The following OSTN variants were observed in gnomAD, a reference collection of about 807,000 sequenced individuals.
The protein encoded by OSTN is osteocrin.
Under a neutral mutation model 12.0 loss-of-function variants are expected in OSTN, and 9 were observed. The ratio of observed to expected loss-of-function variants is 0.75; its 90% CI spans 0.45 to 1.30. The LOEUF is 1.30. OSTN is among the 50% of genes most tolerant of loss of function. The probability of loss-of-function intolerance (pLI) is 0.00; values close to 1 mark genes in which losing one functional copy is unlikely to be tolerated. For missense variants in OSTN, 148 were observed against 152.3 expected, an observed-to-expected ratio of 0.97 and a Z score of 0.15; for synonymous variants, 59 against 56.9, an observed-to-expected ratio of 1.04 and a Z score of -0.16.
At chr3:191,237,259 G>C (rs1287874410) in intron 3 of OSTN, among the ~76,000 whole-genome samples, 1 of 152,212 alleles carries the variant, frequency 6.6e-6, no homozygotes, top group Non-Finnish European at 1.5e-5. Context: ...TCAAAGGCCA[G>C]GAACAGTGAG....
At position 191,213,427 on chromosome 3, in the gene OSTN, G is replaced by C. The variant is rs184409038; in HGVS notation, c.102+793G>C. The stretch of plus-strand genomic sequence containing the variant: ...TATCTAAACGTGGAAAGAAACTTAA[G>C]AACAAAGACTTGAATTCCTTGAACA... On this transcript the variant is annotated intron_variant, in intron 2 of 4. Transcript: ENST00000682035. The C allele has an allele frequency of 3.1e-3, 473 of 152,096 alleles. 6 individuals are homozygous for C. The highest frequency in any genetic ancestry group is 0.011 in the African/African-American group (452 of 41,504). The allele number at this position is 152,096 out of a possible 1,614,324, so 9.4% of individuals were successfully genotyped here.
At chr3:191,203,271 G>A (rs542426246) in intron 1 of OSTN, among the ~76,000 whole-genome samples, 3 of 152,304 alleles carry the variant, frequency 2.0e-5, no homozygotes, top group African/African-American at 7.2e-5. Context: ...ATTCTGTAAG[G>A]TGCTGAGATG....
chr3:191,218,721 C>A, intron 2 of OSTN, 26 bp from the exon 3 acceptor site: 2 of 1,588,990 alleles, frequency 1.3e-6, no homozygotes, highest in Non-Finnish European at 1.7e-6. Context: ...TCTAAATTAA[C>A]GGAATCGCCT....
At chr3:191,229,517 T>C (rs1406284651) in intron 3 of OSTN, among the ~76,000 whole-genome samples, 2 of 152,196 alleles carry the variant, frequency 1.3e-5, no homozygotes, top group African/African-American at 2.4e-5. Flanking sequence ...TAGAATGATG[T>C]GCACATGGGA....
Position 191,230,739 on chromosome 3 carries a change from T to C in OSTN, c.317+11778T>C, listed in dbSNP as rs73070071. ...ATTCATATTGCTGCCCTCTGGAACG[T>C]GCAGTGCAGAACCCATATAACGTTA... On this transcript the variant is annotated intron_variant, in intron 3 of 4. Coordinates refer to ENST00000682035, the MANE Select transcript of OSTN (RefSeq NM_198184.2). 2.1e-3 allele frequency among the ~76,000 whole-genome samples: 327 copies of C among 152,286 alleles called. 2 individuals are homozygous for C. Among genetic ancestry groups the C allele is most frequent in the African/African-American group, 7.2e-3 (301 of 41,550 alleles).
At chr3:191,203,998 C>T (rs943987807) in intron 1 of OSTN, among the ~76,000 whole-genome samples, 2 of 152,152 alleles carry the variant, frequency 1.3e-5, no homozygotes, top group Non-Finnish European at 2.9e-5. Flanking sequence ...AGCGATTCTC[C>T]TGCCTCAGCC....
intron 2 of OSTN, among the ~76,000 whole-genome samples, chr3:191,213,762 A>G (rs2108591597): frequency 6.7e-6 from 1 of 149,794 alleles, no homozygotes. Context: ...CAAGTTTTCT[A>G]AAAGTTTTTT....
chr3:191,234,398 G>C (rs1715135240), intron 3 of OSTN, among the ~76,000 whole-genome samples: 2 of 151,968 alleles, frequency 1.3e-5, no homozygotes, highest in African/African-American at 4.8e-5. Context: ...CAGATGCCTT[G>C]AGAAAAGTAG....
At chr3:191,259,333 C>G (rs1333816444) in intron 4 of OSTN, among the ~76,000 whole-genome samples, 3 of 151,856 alleles carry the variant, frequency 2.0e-5, no homozygotes, top group Non-Finnish European at 4.4e-5. Context: ...TAGCCAGGAG[C>G]TACGCCCCCT....
intron 4 of OSTN, among the ~76,000 whole-genome samples, chr3:191,259,852 C>CT (rs372562335): frequency 0.3 from 39,129 of 132,408 alleles, 6,566 homozygotes; most frequent in Middle Eastern, 0.37. Flanking sequence ...ATGTATCCTT[C>CT]TTTTTTTTTT....
intron 1 of OSTN, among the ~76,000 whole-genome samples, chr3:191,202,737 G>C (rs1256864300): frequency 1.3e-5 from 2 of 152,102 alleles, no homozygotes; most frequent in African/African-American, 4.8e-5. Flanking sequence ...GTAAAAAGTT[G>C]CCTATGTATG....
chr3:191,241,194 T>TTTTTTTTTTTTTTTTTTG (rs1715312685), intron 3 of OSTN, among the ~76,000 whole-genome samples: 1 of 117,854 alleles, frequency 8.5e-6, no homozygotes, highest in Non-Finnish European at 1.6e-5. Flanking sequence ...TTTTTTTTTT[T>TTTTTTTTTTTTTTTTTTG]TTGAGACGGA....
intron 3 of OSTN, among the ~76,000 whole-genome samples, chr3:191,229,132 C>T (rs1203685352): frequency 6.6e-6 from 1 of 152,214 alleles, no homozygotes; most frequent in Non-Finnish European, 1.5e-5. Context: ...TGGGAAACTA[C>T]AGGACAAATA....
chr3:191,213,952 T>C (rs1714532674), intron 2 of OSTN, among the ~76,000 whole-genome samples: 1 of 152,126 alleles, frequency 6.6e-6, no homozygotes, highest in Non-Finnish European at 1.5e-5. Context: ...AGTTTCTATG[T>C]TATCAGGCTT....
chr3:191,246,178 C>G (rs1263552757), intron 3 of OSTN, among the ~76,000 whole-genome samples: 1 of 151,990 alleles, frequency 6.6e-6, no homozygotes. Context: ...ACTGCTTTCC[C>G]CAGCCGCTAT....
intron 1 of OSTN, among the ~76,000 whole-genome samples, chr3:191,205,618 A>AT (rs11407370): frequency 0.39 from 59,063 of 151,676 alleles, 11,997 homozygotes; most frequent in African/African-American, 0.5. Flanking sequence ...TCAAATGATT[A>AT]TTTTGTCTTG....
Position 191,212,570 on chromosome 3 carries a change from T to C in OSTN, c.38T>C (p.Leu13Pro). The C allele has an allele frequency of 6.3e-7, 1 of 1,597,370 alleles. No homozygotes were observed. Among genetic ancestry groups the C allele is most frequent in the Non-Finnish European group, 8.6e-7 (1 of 1,169,256 alleles). The stretch of plus-strand genomic sequence containing the variant: ...AGATTGGCAAGTGCACATTTCATCC[T>C]GGCTGTGACACTGACACTGTGGAGC... ...DWRLASAHFI[L>P]AVTLTLWSSG... The change falls in exon 2 of 5, where the codon CTG becomes CCG. Residue 13 changes from leucine to proline, a missense_variant. Physicochemically the swap from Leu to Pro is moderately conservative, Grantham distance 98. Coordinates refer to ENST00000682035, the MANE Select transcript of OSTN (RefSeq NM_198184.2).
At chr3:191,204,614 A>G (rs546954798) in intron 1 of OSTN, among the ~76,000 whole-genome samples, 1 of 152,336 alleles carries the variant, frequency 6.6e-6, no homozygotes, top group South Asian at 2.1e-4. Flanking sequence ...AGAGACCGCA[A>G]TGGCTGGAGG....
intron 2 of OSTN, 110 bp from the exon 3 acceptor site, chr3:191,218,637 G>A (rs2108532729): frequency 2.4e-6 from 2 of 842,210 alleles, no homozygotes; most frequent in South Asian, 3.5e-5. Flanking sequence ...AAAATTGTAA[G>A]ATGTTACATG....
Sources: allele counts gnomAD v4.1 joint callset (sites outside exome capture counted in the v4.1 genomes callset), GRCh38; gene constraint gnomAD v4.1.1; transcripts MANE v1.5; gene names NCBI Gene and HGNC (gene_info 2026-07-23, HGNC 2026-07-21).